SSH2: variants seen among roughly 807,000 people sequenced by gnomAD.
The protein encoded by SSH2 is protein phosphatase Slingshot homolog 2.
A neutral mutation model predicts 135.2 loss-of-function variants in SSH2; 37 were observed. The observed-to-expected ratio is 0.27, with a 90% CI of 0.21 to 0.36. SSH2 has a LOEUF of 0.36. Among genes scored for constraint, SSH2 ranks in the 10% least tolerant of loss-of-function variants. SSH2 has a pLI of 1.00. For synonymous variants in SSH2, 628 were observed against 646.2 expected, an observed-to-expected ratio of 0.97 and a Z score of 0.43; for missense variants, 1,408 against 1,765.3, an observed-to-expected ratio of 0.80 and a Z score of 3.63.
intron 3 of SSH2, among the ~76,000 whole-genome samples, chr17:29,741,830 G>T (rs1396421547): frequency 6.6e-6 from 1 of 151,782 alleles, no homozygotes; most frequent in Non-Finnish European, 1.5e-5. Context: ...TGGCCAGGCT[G>T]GTGTTGAATT....
chr17:29,928,586 T>C (rs145692593), intron 1 of SSH2: 15 of 398,564 alleles, frequency 3.8e-5, no homozygotes, highest in East Asian at 1.8e-4. Flanking sequence ...TTCTGCTCTC[T>C]GAAACAACAC....
chr17:29,909,190 T>A (rs2066720034), intron 1 of SSH2, among the ~76,000 whole-genome samples: 1 of 152,212 alleles, frequency 6.6e-6, no homozygotes, highest in Non-Finnish European at 1.5e-5. Context: ...TGACTTCTCT[T>A]ATAGGAAATT....
At chr17:29,719,521 A>AAAAAAAAAAAG (rs757124269) in intron 3 of SSH2, among the ~76,000 whole-genome samples, 3 of 149,856 alleles carry the variant, frequency 2.0e-5, no homozygotes, top group Non-Finnish European at 4.5e-5. Flanking sequence ...TCTCAAAAGA[A>AAAAAAAAAAAG]AAAAAAAAAA....
intron 3 of SSH2, among the ~76,000 whole-genome samples, chr17:29,718,116 A>G (rs2039689885): frequency 6.6e-6 from 1 of 152,208 alleles, no homozygotes; most frequent in Non-Finnish European, 1.5e-5. Context: ...AATCCAATGA[A>G]CATTTTCTCA....
chr17:29,689,420 T>G (rs1427475402), intron 5 of SSH2, among the ~76,000 whole-genome samples: 2 of 152,250 alleles, frequency 1.3e-5, no homozygotes, highest in Non-Finnish European at 2.9e-5. Context: ...GAACCTATAT[T>G]GAAATCAATG....
At chr17:29,738,720 A>AT (rs962542001) in intron 3 of SSH2, among the ~76,000 whole-genome samples, 6 of 151,242 alleles carry the variant, frequency 4.0e-5, no homozygotes, top group Non-Finnish European at 7.4e-5. Context: ...TGCCCGGCTA[A>AT]TTTTTTTGTA....
chr17:29,805,595 AG>A (rs2042331209), intron 2 of SSH2, among the ~76,000 whole-genome samples: 1 of 152,192 alleles, frequency 6.6e-6, no homozygotes, highest in Non-Finnish European at 1.5e-5. Flanking sequence ...TGTGTTTATC[AG>A]CAAAATCAGC....
At position 29,630,451 on chromosome 17, in the gene SSH2, C is replaced by T. The variant is rs1260029524; in HGVS notation, c.*390G>A. 1 of 157,392 alleles carries T rather than the reference C, an allele frequency of 6.4e-6. No individual in the cohort carries two copies. The highest frequency in any genetic ancestry group is 1.4e-5 in the Non-Finnish European group (1 of 71,448). 9.7% of individuals were successfully genotyped at this position (157,392 alleles called of 1,614,324 possible). On this transcript the variant is annotated 3_prime_UTR_variant, in exon 16 of 16. Transcript: ENST00000540801. The stretch of plus-strand genomic sequence containing the variant: ...AAAGGCAGGGGAACATCTCCAATCC[C>T]CAGCTTTATCTCCACCCCTCCGAAT...
Position 29,652,994 on chromosome 17 carries a change from C to T in SSH2, c.1080-2194G>A, listed in dbSNP as rs1005195765. On this transcript the variant is annotated intron_variant, in intron 12 of 15. Transcript: ENST00000540801. ...TAAAATAAAAATGAACAATCTCCCA[C>T]CTCTAATCCCATACCTCATAATAAA... Among the ~76,000 whole-genome samples the T allele has an allele frequency of 8.9e-4, 136 of 152,290 alleles. 11 individuals carry two copies. The highest frequency in any genetic ancestry group is 3.4e-3 in the Middle Eastern group (1 of 294).
At chr17:29,685,225 C>T (rs1003734003) in intron 5 of SSH2, among the ~76,000 whole-genome samples, 57 of 152,142 alleles carry the variant, frequency 3.7e-4, no homozygotes, top group Admixed American at 6.5e-4. Flanking sequence ...TTTTTAGAAA[C>T]TTCTCATTTT....
At chr17:29,881,793 C>T (rs1320471801) in intron 1 of SSH2, among the ~76,000 whole-genome samples, 1 of 152,170 alleles carries the variant, frequency 6.6e-6, no homozygotes, top group East Asian at 1.9e-4. Context: ...AGCCACCACA[C>T]CCAGCCCACC....
In SSH2 at chr17:29,913,347, A is replaced by AAAAAATTATATATATAT; in HGVS notation, c.63+16590_63+16591insATATATATATAATTTTT. On this transcript the variant is annotated intron_variant, in intron 1 of 15. Transcript: ENST00000540801. The stretch of plus-strand genomic sequence containing the variant: ...AAAAAAAAAAAAAAAAAAAAAAAAA[A>AAAAAATTATATATATAT]ATATATATATATATATATATATATA... Among the ~76,000 whole-genome samples, 28 of 28,782 alleles carry AAAAAATTATATATATAT rather than the reference A, an allele frequency of 9.7e-4. 2 individuals are homozygous for AAAAAATTATATATATAT. The highest frequency in any genetic ancestry group is 7.8e-3 in the South Asian group (3 of 386). The allele number at this position is 28,782 out of a possible 152,430, so 18.9% of individuals were successfully genotyped here.
intron 3 of SSH2, among the ~76,000 whole-genome samples, chr17:29,726,431 CA>C (rs1490747167): frequency 6.6e-6 from 1 of 152,122 alleles, no homozygotes; most frequent in African/African-American, 2.4e-5. Flanking sequence ...AAGAGAGAGC[CA>C]GAGTTTGCAT....
At chr17:29,695,383 T>TA (rs2038683544) in intron 5 of SSH2, 76 bp downstream of exon 5, 1 of 1,155,288 alleles carries the variant, frequency 8.7e-7, no homozygotes, top group Non-Finnish European at 1.3e-6. Context: ...TGTTGGGATG[T>TA]AAAAATGACT....
intron 2 of SSH2, among the ~76,000 whole-genome samples, chr17:29,819,779 T>G (rs2042620610): frequency 6.6e-6 from 1 of 152,162 alleles, no homozygotes. Flanking sequence ...GTATGCACAA[T>G]CCACTGGGAA....
chr17:29,672,344 T>A (rs552696099), intron 8 of SSH2, among the ~76,000 whole-genome samples: 2 of 152,324 alleles, frequency 1.3e-5, no homozygotes, highest in East Asian at 3.9e-4. Flanking sequence ...GATGCATCAT[T>A]AAGGTAGGGA....
At chr17:29,740,167 A>G (rs921036956) in intron 3 of SSH2, among the ~76,000 whole-genome samples, 2 of 152,212 alleles carry the variant, frequency 1.3e-5, no homozygotes, top group African/African-American at 4.8e-5. Context: ...TCTCCAGTGA[A>G]CAAAGGCTTG....
chr17:29,763,654 A>G (rs1331714668), intron 3 of SSH2, among the ~76,000 whole-genome samples: 1 of 152,218 alleles, frequency 6.6e-6, no homozygotes, highest in Non-Finnish European at 1.5e-5. Flanking sequence ...TGTCTGAAAA[A>G]GCAGGAAATG....
intron 4 of SSH2, among the ~76,000 whole-genome samples, chr17:29,696,451 T>C (rs192616341): frequency 1.4e-5 from 2 of 146,120 alleles, no homozygotes; most frequent in East Asian, 4.2e-4. Context: ...ATATATATAC[T>C]GTCATTATAA....
Sources: allele counts gnomAD v4.1 joint callset (sites outside exome capture counted in the v4.1 genomes callset), GRCh38; gene constraint gnomAD v4.1.1; transcripts MANE v1.5; gene names NCBI Gene and HGNC (gene_info 2026-07-23, HGNC 2026-07-21).